ZC3H14: variants seen among roughly 807,000 people sequenced by gnomAD.
ZC3H14 encodes the protein zinc finger CCCH domain-containing protein 14.
In ZC3H14, 31 loss-of-function variants were observed where a neutral mutation model predicts 92.4. That is an observed-to-expected ratio of 0.34 (90% CI 0.25 to 0.45). The LOEUF is 0.45. Among genes scored for constraint, ZC3H14 ranks in the 20% least tolerant of loss-of-function variants. The probability of loss-of-function intolerance (pLI) is 1.00; values close to 1 mark genes in which losing one functional copy is unlikely to be tolerated. For synonymous variants in ZC3H14, 321 were observed against 300.9 expected (o/e 1.07, Z -0.69); for missense variants, 781 against 897.3 (o/e 0.87, Z 1.66).
Position 88,602,919 on chromosome 14 carries a change from G to A in ZC3H14, c.1606G>A (p.Glu536Lys). The A allele has an allele frequency of 6.2e-7, 1 of 1,614,148 alleles. No individual in the cohort carries two copies. Reference sequence around the variant, plus strand: ...CCCCCCAGGATACATGTCAGATCAAGAGGAGGACATGTGCTTTGAAGGAAT... The same window carrying A: ...CCCCCCAGGATACATGTCAGATCAAAAGGAGGACATGTGCTTTGAAGGAAT... ...PSPPGYMSDQ[E>K]EDMCFEGMKP... is the part of the protein sequence containing the mutation. The change falls in exon 12 of 17, where the codon GAG (glutamate) becomes AAG (lysine). Residue 536 changes from glutamate to lysine, a missense_variant. This residue lies in a region of ZC3H14 where 221 missense variants were observed against 304.7 expected (regional missense o/e 0.73). Transcript: ENST00000251038.
intron 13 of ZC3H14, chr14:88,608,474 C>T (rs889203091): frequency 3.3e-6 from 1 of 306,212 alleles, no homozygotes; most frequent in South Asian, 2.6e-5. Context: ...AATGGAGTGA[C>T]AATTACCATG....
At position 88,620,225 on chromosome 14, in the gene ZC3H14, C is replaced by T. The variant is rs963720550; in HGVS notation, c.*8474C>T. 4 of 152,144 alleles carry T rather than the reference C, an allele frequency of 2.6e-5. No homozygotes were observed. The highest frequency in any genetic ancestry group is 5.9e-5 in the Non-Finnish European group (4 of 68,050). The allele number at this position is 152,144 out of a possible 1,614,324, so 9.4% of individuals were successfully genotyped here. On this transcript the variant is annotated 3_prime_UTR_variant, in exon 17 of 17. Transcript: ENST00000251038. This position sits in a 1 kb window ranked among gnomAD's most constrained non-coding sequence, Gnocchi z 4.3. ...TCAATAATCTTATCTACTGATCACA[C>T]GGAAGTACTCCGTAAATGGTAGCCA...
chr14:88,578,208 G>A, intron 9 of ZC3H14, 68 bp downstream of exon 9: 2 of 1,563,480 alleles, frequency 1.3e-6, no homozygotes, highest in Non-Finnish European at 1.8e-6. Context: ...ATTTTCCAAT[G>A]GATTTTTATG....
rs1023232237 is a variant in ZC3H14 at position 88,619,065 on chromosome 14, G to T, written c.*7314G>T. On this transcript the variant is annotated 3_prime_UTR_variant, in exon 17 of 17. Transcript: ENST00000251038. The stretch of plus-strand genomic sequence containing the variant: ...CCAATTCCTTTAAAAACGTCTAATG[G>T]CTTAAAAAAACTTTCTTAGGCCAGG... The T allele has an allele frequency of 3.5e-6, 1 of 283,122 alleles. No homozygotes were observed. The highest frequency in any genetic ancestry group is 6.4e-6 in the Non-Finnish European group (1 of 155,586). 17.5% of individuals were successfully genotyped at this position (283,122 alleles called of 1,614,324 possible).
Position 88,620,760 on chromosome 14 carries a change from T to C in ZC3H14, c.*9009T>C, listed in dbSNP as rs1487155217. 1 of 1,589,344 alleles carries C rather than the reference T, an allele frequency of 6.3e-7. No homozygotes were observed. Among genetic ancestry groups the C allele is most frequent in the Non-Finnish European group, 8.5e-7 (1 of 1,171,986 alleles). Reference sequence around the variant, plus strand: ...ATTCCATTTGTTCACTAACCTGATATCATGGATTGCACATCTCCTGTCTCT... The same window carrying C: ...ATTCCATTTGTTCACTAACCTGATACCATGGATTGCACATCTCCTGTCTCT... On this transcript the variant is annotated 3_prime_UTR_variant, in exon 17 of 17. Coordinates refer to ENST00000251038, the MANE Select transcript of ZC3H14 (RefSeq NM_024824.5). This position sits in a 1 kb window ranked among gnomAD's most constrained non-coding sequence, Gnocchi z 4.3.
chr14:88,602,031 A>C lies in ZC3H14; in HGVS notation c.1462A>C (p.Met488Leu). ...AGTGGCACCAAACCAAGAGTCGGGG[A>C]TGAAGACTGCAGATTCCCTTCGGGT... ...VVVAPNQESG[M>L]KTADSLRVLS... The change falls in exon 11 of 17, where the codon ATG becomes CTG. Residue 488 changes from methionine (M) to leucine (L), a missense_variant. Physicochemically the swap from Met to Leu is conservative, Grantham distance 15. Around this residue, in one of 3 missense-constraint regions of ZC3H14, gnomAD observed 454 missense variants for 438.5 expected, o/e 1.04. Transcript: ENST00000251038. 4 of 1,614,168 alleles carry C rather than the reference A, an allele frequency of 2.5e-6. No homozygotes were observed. Among genetic ancestry groups the C allele is most frequent in the Non-Finnish European group, 2.5e-6 (3 of 1,180,000 alleles).
At position 88,625,842 on chromosome 14, in the gene ZC3H14, A is replaced by G. The variant is rs1438903537; in HGVS notation, c.*14091A>G. On this transcript the variant is annotated 3_prime_UTR_variant, in exon 17 of 17. Coordinates refer to ENST00000251038, the MANE Select transcript of ZC3H14 (RefSeq NM_024824.5). ...ATATTCTAAAATTATAACTTTTCCT[A>G]TAAGTATTGCATAATCACAAAAACA... The G allele has an allele frequency of 6.6e-6, 1 of 152,242 alleles. No homozygotes were observed. Among genetic ancestry groups the G allele is most frequent in the Admixed American group, 6.5e-5 (1 of 15,284 alleles). 9.4% of individuals were successfully genotyped at this position (152,242 alleles called of 1,614,324 possible).
At chr14:88,574,221 G>A (rs1051034694) in intron 6 of ZC3H14, 3 of 155,358 alleles carry the variant, frequency 1.9e-5, no homozygotes, top group African/African-American at 7.3e-5. Flanking sequence ...TGACTGTTAG[G>A]GATAATATTT....
chr14:88,611,891 T>A lies in ZC3H14; in HGVS notation c.*140T>A. ...TATGAAGTTTTATTGCCTATCTATC[T>A]GAAGTGTCTAATTTTTCAAGTTTGT... On this transcript the variant is annotated 3_prime_UTR_variant, in exon 17 of 17. Coordinates refer to ENST00000251038, the MANE Select transcript of ZC3H14 (RefSeq NM_024824.5). The A allele has an allele frequency of 8.6e-7, 1 of 1,165,502 alleles. No homozygotes were observed. The highest frequency in any genetic ancestry group is 1.2e-6 in the Non-Finnish European group (1 of 810,362). 72.2% of individuals were successfully genotyped at this position (1,165,502 alleles called of 1,614,324 possible).
intron 12 of ZC3H14, among the ~76,000 whole-genome samples, chr14:88,605,984 A>C (rs751942486): frequency 2.0e-5 from 3 of 152,178 alleles, no homozygotes; most frequent in Non-Finnish European, 4.4e-5. Flanking sequence ...TGGCAGAGTC[A>C]GATTTTAACT....
chr14:88,572,259 T>C, intron 5 of ZC3H14, 34 bp downstream of exon 5: 2 of 1,607,172 alleles, frequency 1.2e-6, no homozygotes, highest in South Asian at 1.1e-5. Context: ...TGGGGGCAGA[T>C]GGCTCTGTGT....
chr14:88,566,319 A>G (rs1367270530), intron 2 of ZC3H14, among the ~76,000 whole-genome samples: 2 of 152,152 alleles, frequency 1.3e-5, no homozygotes, highest in African/African-American at 4.8e-5. Flanking sequence ...TTTGAACACC[A>G]TAAATAATAG....
intron 9 of ZC3H14, among the ~76,000 whole-genome samples, chr14:88,587,855 T>C (rs1403199458): frequency 1.3e-5 from 2 of 152,062 alleles, no homozygotes; most frequent in Non-Finnish European, 2.9e-5. Flanking sequence ...TCTGGAGAAT[T>C]GCTTGAGCCC....
chr14:88,598,230 G>C (rs2084123193), intron 10 of ZC3H14, among the ~76,000 whole-genome samples: 1 of 152,098 alleles, frequency 6.6e-6, no homozygotes, highest in African/African-American at 2.4e-5. Context: ...GGGGCACTTT[G>C]ACTTTCTGTT....
At position 88,563,085 on chromosome 14, in the gene ZC3H14, G is replaced by C; in HGVS notation, c.-49G>C. 3.2e-6 allele frequency: 5 copies of C among 1,556,922 alleles called. No individual in the cohort carries two copies. The highest frequency in any genetic ancestry group is 1.9e-4 in the Middle Eastern group (1 of 5,384). On this transcript the variant is annotated 5_prime_UTR_variant, in exon 1 of 17. Transcript: ENST00000251038. ...GGGGTAGGAGTCCGCGGCAGCCTCC[G>C]GGTAAGCCAAGCGCCGCGCAGTGCT... is the stretch of plus-strand genomic sequence containing the variant.
rs935333677 is a variant in ZC3H14 at position 88,617,927 on chromosome 14, G to T, written c.*6176G>T. On this transcript the variant is annotated 3_prime_UTR_variant, in exon 17 of 17. Coordinates refer to ENST00000251038, the MANE Select transcript of ZC3H14 (RefSeq NM_024824.5). ...GAGAATTAATAACAGTTGCTTAACAGCACCCAATACCTTTTTGCCAGTCAT... is the reference window on the plus strand; with the variant it reads ...GAGAATTAATAACAGTTGCTTAACATCACCCAATACCTTTTTGCCAGTCAT... The T allele has an allele frequency of 9.6e-6, 2 of 208,412 alleles. No homozygotes were observed. The highest frequency in any genetic ancestry group is 9.6e-6 in the Non-Finnish European group (1 of 103,874). The allele number at this position is 208,412 out of a possible 1,614,324, so 12.9% of individuals were successfully genotyped here.
chr14:88,619,757 C>G lies in ZC3H14; in HGVS notation c.*8006C>G, dbSNP rs954018541. 1 of 152,190 alleles carries G rather than the reference C, an allele frequency of 6.6e-6. No homozygotes were observed. The highest frequency in any genetic ancestry group is 2.4e-5 in the African/African-American group (1 of 41,456). 9.4% of individuals were successfully genotyped at this position (152,190 alleles called of 1,614,324 possible). A position where few individuals can be genotyped will look rare whatever the true frequency, so the allele number is the denominator to read the frequency against. ...GTGCGATGGCGCAACCTCCGCCTCC[C>G]GGGTTCAAGCGATTCTCCTGTTTCA... On this transcript the variant is annotated 3_prime_UTR_variant, in exon 17 of 17. Transcript: ENST00000251038.
intron 9 of ZC3H14, chr14:88,592,019 A>C (rs1398347251): frequency 2.0e-5 from 3 of 152,188 alleles, no homozygotes; most frequent in Non-Finnish European, 4.4e-5. Flanking sequence ...TAAAATACAT[A>C]AGCTTTCTCT....
At position 88,577,421 on chromosome 14, in the gene ZC3H14, G is replaced by A. The variant is rs1293901599; in HGVS notation, c.1124-564G>A. Among the ~76,000 whole-genome samples the A allele has an allele frequency of 3.3e-5, 5 of 152,144 alleles. No homozygotes were observed. In the East Asian group the frequency reaches 9.7e-4, roughly 29 times the overall value. ...CATTTTGTTGAAAATGAATACATAT[G>A]TACTATATTGTATTCATGGTATGTG... On this transcript the variant is annotated intron_variant, in intron 8 of 16. Coordinates refer to ENST00000251038, the MANE Select transcript of ZC3H14 (RefSeq NM_024824.5).
Sources: allele counts gnomAD v4.1 joint callset (sites outside exome capture counted in the v4.1 genomes callset), GRCh38; gene constraint gnomAD v4.1.1; regional missense constraint gnomAD v4.1.1; non-coding constraint Gnocchi (gnomAD v3.1); transcripts MANE v1.5; gene names NCBI Gene and HGNC (gene_info 2026-07-23, HGNC 2026-07-21).